Variants in RGS7BP observed in about 807,000 individuals in gnomAD.
The protein encoded by RGS7BP is regulator of G protein signaling 7-binding protein.
In RGS7BP, 9 loss-of-function variants were observed where a neutral mutation model predicts 31.3. That is an observed-to-expected ratio of 0.29 (90% confidence interval 0.17 to 0.50). The LOEUF (loss-of-function observed/expected upper bound fraction) is 0.50. Among genes scored for constraint, RGS7BP ranks in the 20% least tolerant of loss-of-function variants. The probability of loss-of-function intolerance (pLI) is 0.98; values close to 1 mark genes in which losing one functional copy is unlikely to be tolerated. For synonymous variants in RGS7BP, 115 were observed against 120.1 expected (o/e 0.96, Z 0.28); for missense variants, 274 against 322.0 (o/e 0.85, Z 1.14).
intron 5 of RGS7BP, among the ~76,000 whole-genome samples, chr5:64,604,226 C>T (rs1030420714): frequency 6.6e-6 from 1 of 152,112 alleles, no homozygotes; most frequent in Admixed American, 6.5e-5. Flanking sequence ...GCCACCTTCA[C>T]CAAATGTCCA....
chr5:64,598,398 A>C lies in RGS7BP; in HGVS notation c.645A>C (p.Lys215Asn). 2 of 1,605,128 alleles carry C rather than the reference A, an allele frequency of 1.2e-6. No homozygotes were observed. The highest frequency in any genetic ancestry group is 1.7e-6 in the Non-Finnish European group (2 of 1,171,962). ...GAGAAATGAAAAACCTTTTAAGCAA[A>C]CTCAGGGAAACTATGCCTTTACCAT... Reference protein sequence around the residue: ...DMREMKNLLSKLRETMPLPLK... With the variant: ...DMREMKNLLSNLRETMPLPLK... Residue 215 changes from lysine to asparagine, a missense_variant, in exon 5 of 6, where the codon AAA becomes AAC. This residue lies in a region of RGS7BP where 112 missense variants were observed against 130.9 expected (regional missense o/e 0.86). Coordinates refer to ENST00000334025, the MANE Select transcript of RGS7BP (RefSeq NM_001029875.3).
chr5:64,538,546 CTTTTTTTTTT>C (rs1191560944), intron 2 of RGS7BP, among the ~76,000 whole-genome samples: 5 of 40,022 alleles, frequency 1.2e-4, no homozygotes, highest in Non-Finnish European at 1.7e-4. Context: ...TTTTCCTTTT[CTTTTTTTTTT>C]TTTTTTTTTT....
intron 2 of RGS7BP, among the ~76,000 whole-genome samples, chr5:64,524,172 T>C (rs1434054070): frequency 6.6e-6 from 1 of 152,264 alleles, no homozygotes; most frequent in Non-Finnish European, 1.5e-5. Context: ...TGGCCATTTC[T>C]AGACAACTAT....
chr5:64,576,696 C>A (rs1398261756), intron 3 of RGS7BP, among the ~76,000 whole-genome samples: 2 of 152,288 alleles, frequency 1.3e-5, no homozygotes, highest in Admixed American at 6.5e-5. Flanking sequence ...GCAATCAAGG[C>A]CCATTCCTGG....
intron 2 of RGS7BP, among the ~76,000 whole-genome samples, chr5:64,544,510 GAA>G (rs34435565): frequency 0.014 from 1,963 of 141,972 alleles, 38 homozygotes; most frequent in African/African-American, 0.045. Context: ...CCCTGTCTCT[GAA>G]AAAAAAAAAA....
At chr5:64,590,734 T>TAAA (rs1742891254) in intron 3 of RGS7BP, among the ~76,000 whole-genome samples, 1 of 151,746 alleles carries the variant, frequency 6.6e-6, no homozygotes, top group African/African-American at 2.4e-5. Flanking sequence ...CTGTACTGAA[T>TAAA]ACTAAAAACA....
At chr5:64,553,196 G>A (rs1348236587) in intron 2 of RGS7BP, among the ~76,000 whole-genome samples, 7 of 103,436 alleles carry the variant, frequency 6.8e-5, no homozygotes, top group Admixed American at 5.3e-4. Flanking sequence ...TTTTTGAAAC[G>A]GAGTCTCACT....
intron 2 of RGS7BP, among the ~76,000 whole-genome samples, chr5:64,520,363 C>T (rs189368386): frequency 2.0e-5 from 3 of 152,102 alleles, no homozygotes; most frequent in Admixed American, 6.5e-5. Context: ...AGCACACAGC[C>T]GATTTGAGGG....
intron 2 of RGS7BP, among the ~76,000 whole-genome samples, chr5:64,545,177 GA>G (rs530090802): frequency 0.023 from 2,996 of 129,836 alleles, 87 homozygotes; most frequent in African/African-American, 0.074. Flanking sequence ...CAATGTCTTT[GA>G]AAAAAAAAAA....
At chr5:64,609,138 G>A in intron 5 of RGS7BP, 23 bp from the exon 6 acceptor site, 1 of 1,482,512 alleles carries the variant, frequency 6.7e-7, no homozygotes, top group Non-Finnish European at 9.4e-7. Flanking sequence ...CCTCACTTAT[G>A]TGCACATTAT....
intron 5 of RGS7BP, among the ~76,000 whole-genome samples, chr5:64,600,294 C>T (rs775215296): frequency 3.3e-5 from 5 of 152,100 alleles, no homozygotes; most frequent in African/African-American, 4.8e-5. Context: ...ATGGGTGCCA[C>T]GTCACCTATA....
At chr5:64,584,759 T>G (rs2111926795) in intron 3 of RGS7BP, among the ~76,000 whole-genome samples, 1 of 152,328 alleles carries the variant, frequency 6.6e-6, no homozygotes, top group East Asian at 1.9e-4. Flanking sequence ...AATGTTTATC[T>G]CCCAGTACAT....
intron 2 of RGS7BP, among the ~76,000 whole-genome samples, chr5:64,528,224 A>C (rs1353380846): frequency 6.6e-6 from 1 of 152,092 alleles, no homozygotes; most frequent in Non-Finnish European, 1.5e-5. Flanking sequence ...CCCTCATTTC[A>C]TTGGAGAGAA....
chr5:64,538,523 C>T (rs369171499), intron 2 of RGS7BP, among the ~76,000 whole-genome samples: 907 of 26,286 alleles, frequency 0.035, no homozygotes, highest in African/African-American at 0.041. Flanking sequence ...TTTTCCTTTT[C>T]TTTTCTTTTT....
chr5:64,557,274 C>T (rs367583796), intron 2 of RGS7BP, among the ~76,000 whole-genome samples: 2 of 152,144 alleles, frequency 1.3e-5, no homozygotes, highest in Admixed American at 1.3e-4. Context: ...TTATGCTCCC[C>T]AACGTACCCA....
At chr5:64,573,161 T>C (rs1453804168) in intron 2 of RGS7BP, among the ~76,000 whole-genome samples, 1 of 151,930 alleles carries the variant, frequency 6.6e-6, no homozygotes, top group Admixed American at 6.6e-5. Flanking sequence ...TCATTTTTTA[T>C]GGCTTCATAG....
chr5:64,528,736 G>A (rs1330773268), intron 2 of RGS7BP, among the ~76,000 whole-genome samples: 4 of 147,112 alleles, frequency 2.7e-5, no homozygotes, highest in African/African-American at 1.0e-4. Flanking sequence ...GCTTGAACCC[G>A]GGAGGCAGAA....
chr5:64,520,707 G>C (rs995513787), intron 2 of RGS7BP, among the ~76,000 whole-genome samples: 1 of 152,178 alleles, frequency 6.6e-6, no homozygotes, highest in Admixed American at 6.5e-5. Flanking sequence ...TCCCAGGGTA[G>C]GACATGTTAG....
intron 3 of RGS7BP, among the ~76,000 whole-genome samples, chr5:64,583,022 C>T (rs183463341): frequency 6.6e-6 from 1 of 152,234 alleles, no homozygotes; most frequent in East Asian, 1.9e-4. Flanking sequence ...TGCATTCATT[C>T]TTTGAAGAAA....
Sources: gnomAD v4.1 joint callset for allele counts (sites outside exome capture counted in the v4.1 genomes callset) on GRCh38, gnomAD v4.1.1 for gene constraint, gnomAD v4.1.1 regional missense constraint, MANE v1.5 for transcripts, NCBI Gene and HGNC (gene_info 2026-07-23, HGNC 2026-07-21) for gene names.